The following PCNT variants were observed in gnomAD, a reference collection of about 807,000 sequenced individuals.
The protein encoded by PCNT is pericentrin, also known as kendrin.
PCNT carries 319 observed loss-of-function variants against 380.4 expected under a neutral mutation model. That is an observed-to-expected ratio of 0.84 (90% CI 0.77 to 0.92). PCNT has a LOEUF of 0.92. Among genes scored for constraint, PCNT ranks in the 40% least tolerant of loss-of-function variants. PCNT has a pLI of 0.00. For synonymous variants in PCNT, 1,845 were observed against 1,735.2 expected (o/e 1.06, Z -1.57); for missense variants, 4,400 against 4,255.3 (o/e 1.03, Z -0.95).
At chr21:46,357,268 T>C in intron 13 of PCNT, 77 bp downstream of exon 13, 1 of 1,044,142 alleles carries the variant, frequency 9.6e-7, no homozygotes. Context: ...TGTGTCCTTG[T>C]GTATGGAGGG....
chr21:46,380,059 AT>A (rs1250229732), intron 15 of PCNT, among the ~76,000 whole-genome samples: 2 of 144,306 alleles, frequency 1.4e-5, no homozygotes, highest in Non-Finnish European at 3.0e-5. Context: ...GCAGTCCCTT[AT>A]TAGTCCCAAC....
rs929114267 is a variant in PCNT at position 46,425,702 on chromosome 21, G to A, written c.7180-129G>A. The A allele has an allele frequency of 3.7e-6, 5 of 1,335,528 alleles. No homozygotes were observed. Among genetic ancestry groups the A allele is most frequent in the Middle Eastern group, 2.5e-4 (1 of 3,986 alleles). 82.7% of individuals were successfully genotyped at this position (1,335,528 alleles called of 1,614,324 possible). On this transcript the variant is annotated intron_variant, in intron 32 of 46. Transcript: ENST00000359568. This position sits in a 1 kb window ranked among gnomAD's most constrained non-coding sequence, Gnocchi z 4.2. Reference sequence around the variant, plus strand: ...GGTGCCGCCTGTACGAAGCCGAGGCGGTGCCCTCCCTCTCCACAGCTGCCC... The same window carrying A: ...GGTGCCGCCTGTACGAAGCCGAGGCAGTGCCCTCCCTCTCCACAGCTGCCC...
chr21:46,431,193 T>C, intron 37 of PCNT: 1 of 1,222,824 alleles, frequency 8.2e-7, no homozygotes, highest in South Asian at 1.7e-5. Flanking sequence ...AGTGATTTTC[T>C]GAAGAGGGGG....
In PCNT at chr21:46,346,933, A is replaced by T. The variant is rs369273213; in HGVS notation, c.911A>T (p.Glu304Val). 1 of 1,599,040 alleles carries T rather than the reference A, an allele frequency of 6.3e-7. No homozygotes were observed. Among genetic ancestry groups the T allele is most frequent in the Admixed American group, 1.8e-5 (1 of 56,824 alleles). Residue 304 changes from glutamate to valine, a missense_variant, in exon 5 of 47, where the codon GAG (glutamate) becomes GTG (valine). By Grantham distance (121) the Glu-to-Val change is moderately radical. Transcript: ENST00000359568. Reference sequence around the variant, plus strand: ...CAGAGCAGGCAGCAGCACGAGCTGGAGCTCCTCAGGGAGCAGCACGCACGG... The same window carrying T: ...CAGAGCAGGCAGCAGCACGAGCTGGTGCTCCTCAGGGAGCAGCACGCACGG... ...LLQSRQQHEL[E>V]LLREQHAREK...
intron 3 of PCNT, among the ~76,000 whole-genome samples, chr21:46,340,855 G>A (rs1016958186): frequency 6.6e-6 from 1 of 151,802 alleles, no homozygotes; most frequent in Non-Finnish European, 1.5e-5. Context: ...TTTTTTTTTA[G>A]TAGAGACGGG....
Position 46,334,618 on chromosome 21 carries a change from C to T in PCNT, c.489C>T (p.Asp163=), listed in dbSNP as rs776724739. 19 of 1,608,038 alleles carry T rather than the reference C, an allele frequency of 1.2e-5. No homozygotes were observed. The highest frequency in any genetic ancestry group is 1.6e-5 in the Non-Finnish European group (19 of 1,175,610). Residue 163 remains aspartate (D), a synonymous_variant, in exon 3 of 47, where the codon GAC becomes GAT. Transcript: ENST00000359568. The stretch of plus-strand genomic sequence containing the variant: ...AGCATGGGATGTTCACAGTCAGTGA[C>T]CACCCACCAGAACAGCGTGGGATGT... ...PEQHGMFTVS[D]HPPEQRGMFT...
rs778264322 is a variant in PCNT at position 46,366,834 on chromosome 21, G to A, written c.2860G>A (p.Ala954Thr). The A allele has an allele frequency of 1.1e-5, 17 of 1,613,856 alleles. No individual in the cohort carries two copies. Among genetic ancestry groups the A allele is most frequent in the East Asian group, 4.5e-5 (2 of 44,890 alleles). ...ARVAELQTKH[A>T]ADLGALETRH... is the part of the protein sequence containing the mutation. ...TGTGGCCGAACTGCAGACAAAACAC[G>A]CTGCCGACCTCGGCGCTCTGGAGAC... The change falls in exon 15 of 47, where the codon GCT becomes ACT. Residue 954 changes from alanine to threonine, a missense_variant. Transcript: ENST00000359568.
chr21:46,400,612 G>A (rs1052724136), intron 25 of PCNT, among the ~76,000 whole-genome samples: 3 of 137,962 alleles, frequency 2.2e-5, no homozygotes, highest in East Asian at 2.3e-4. Context: ...TCCTCCTCCC[G>A]GGTTCAAGCG....
chr21:46,360,008 T>C (rs922930891), intron 13 of PCNT, among the ~76,000 whole-genome samples: 4 of 150,710 alleles, frequency 2.7e-5, no homozygotes, highest in Admixed American at 1.3e-4. Flanking sequence ...AGGTGCACAC[T>C]ACCGTGCTGA....
intron 3 of PCNT, among the ~76,000 whole-genome samples, chr21:46,336,133 C>T (rs1429050031): frequency 2.0e-5 from 3 of 152,078 alleles, no homozygotes; most frequent in African/African-American, 4.8e-5. Flanking sequence ...CATGCCACCA[C>T]GCCTGGCTAA....
rs565863968 is a variant in PCNT at position 46,398,103 on chromosome 21, G to T, written c.4536G>T (p.Pro1512=). Residue 1512 remains proline, a synonymous_variant, in exon 23 of 47, where the codon CCG becomes CCT. Transcript: ENST00000359568. The part of the protein sequence containing the change: ...LEGQLRQAAK[P]QPWGPRDSQQ... ...GGCAGCTCCGCCAGGCGGCCAAGCCGCAGCCCTGGGGCCCTCGCGACAGCC... is the reference window on the plus strand; with the variant it reads ...GGCAGCTCCGCCAGGCGGCCAAGCCTCAGCCCTGGGGCCCTCGCGACAGCC... 6.2e-7 allele frequency: 1 copy of T among 1,603,326 alleles called. No homozygotes were observed. Among genetic ancestry groups the T allele is most frequent in the South Asian group, 1.1e-5 (1 of 89,690 alleles).
At chr21:46,428,156 C>T (rs2087588317) in intron 34 of PCNT, among the ~76,000 whole-genome samples, 1 of 152,188 alleles carries the variant, frequency 6.6e-6, no homozygotes, top group African/African-American at 2.4e-5. Flanking sequence ...CTGTTCCTGC[C>T]AGCATACACG....
intron 1 of PCNT, among the ~76,000 whole-genome samples, chr21:46,325,413 G>A (rs2083350517): frequency 1.3e-5 from 2 of 152,218 alleles, no homozygotes; most frequent in Admixed American, 6.5e-5. Flanking sequence ...GGGACAAGAC[G>A]CCGCCTGTAG....
Position 46,412,952 on chromosome 21 carries a change from T to C in PCNT, c.6110T>C (p.Val2037Ala). ...CAGCTGCAGTCGGAGCTGCTCTTGG[T>C]GAAAAATGAAATGCGCCTGAGTCTG... is the stretch of plus-strand genomic sequence containing the variant. ...QRQLQSELLL[V>A]KNEMRLSLED... Residue 2037 changes from valine (V) to alanine (A), a missense_variant, in exon 29 of 47, where the codon GTG (valine) becomes GCG (alanine). Val to Ala is a moderately conservative substitution (Grantham distance 64, BLOSUM62 0). Coordinates refer to ENST00000359568, the MANE Select transcript of PCNT (RefSeq NM_006031.6). 6.2e-7 allele frequency: 1 copy of C among 1,611,082 alleles called. No individual in the cohort carries two copies. The highest frequency in any genetic ancestry group is 8.5e-7 in the Non-Finnish European group (1 of 1,179,920).
In PCNT at chr21:46,416,769, C is replaced by T; in HGVS notation, c.6851C>T (p.Ala2284Val). The T allele has an allele frequency of 6.2e-7, 1 of 1,603,782 alleles. No individual in the cohort carries two copies. The highest frequency in any genetic ancestry group is 1.1e-5 in the South Asian group (1 of 90,688). ...PGLLCSPGVSAAALALQWAES... is the reference protein window; with the variant it reads ...PGLLCSPGVSVAALALQWAES... ...CTGCTTTGTTCCCCAGGCGTGTCTG[C>T]AGCAGCGCTGGCACTGCAGTGGGCC... Residue 2284 changes from alanine to valine, a missense_variant, in exon 30 of 47, where the codon GCA (alanine) becomes GTA (valine). Transcript: ENST00000359568.
chr21:46,440,297 C>T, intron 42 of PCNT, 95 bp downstream of exon 42: 7 of 1,344,046 alleles, frequency 5.2e-6, no homozygotes, highest in South Asian at 1.2e-5. Flanking sequence ...ACAAGGTTCT[C>T]GTCTGCCGGG....
At position 46,430,015 on chromosome 21, in the gene PCNT, C is replaced by A. The variant is rs781203130; in HGVS notation, c.7696C>A (p.Leu2566Met). 1.2e-6 allele frequency: 2 copies of A among 1,614,030 alleles called. No homozygotes were observed. The highest frequency in any genetic ancestry group is 1.7e-6 in the Non-Finnish European group (2 of 1,179,834). ...TGTTCTTTTGTCTTTCTCAGTTGAA[C>A]TGCTGGCTTATAAAGTAGAGCAGGA... is the stretch of plus-strand genomic sequence containing the variant. ...QEHQLRRQVE[L>M]LAYKVEQEKC... The change falls in exon 36 of 47, where the codon CTG becomes ATG. Residue 2566 changes from leucine to methionine, a missense_variant. Coordinates refer to ENST00000359568, the MANE Select transcript of PCNT (RefSeq NM_006031.6).
intron 15 of PCNT, among the ~76,000 whole-genome samples, chr21:46,369,526 G>A (rs1295060452): frequency 6.6e-6 from 1 of 152,276 alleles, no homozygotes; most frequent in East Asian, 1.9e-4. Flanking sequence ...TAGGCAAACA[G>A]ATGCTTTGGA....
At position 46,324,244 on chromosome 21, in the gene PCNT, G is replaced by A; in HGVS notation, c.16G>A (p.Glu6Lys). MEVEQEQRRRKVEAGR... is the reference protein window; with the variant it reads MEVEQKQRRRKVEAGR... Reference sequence around the variant, plus strand: ...TCTGAGGGAGATGGAAGTTGAGCAAGAGCAGCGGCGCAGAAAGGTGGAGGC... The same window carrying A: ...TCTGAGGGAGATGGAAGTTGAGCAAAAGCAGCGGCGCAGAAAGGTGGAGGC... Residue 6 changes from glutamate to lysine, a missense_variant, in exon 1 of 47, where the codon GAG (glutamate) becomes AAG (lysine). Glu to Lys is a moderately conservative substitution (Grantham distance 56, BLOSUM62 1). Transcript: ENST00000359568. 6.2e-7 allele frequency: 1 copy of A among 1,612,252 alleles called. No individual in the cohort carries two copies. The highest frequency in any genetic ancestry group is 1.1e-5 in the South Asian group (1 of 90,720).
Sources: gnomAD v4.1 joint callset for allele counts (sites outside exome capture counted in the v4.1 genomes callset) on GRCh38, gnomAD v4.1.1 for gene constraint, Gnocchi (gnomAD v3.1) non-coding constraint, MANE v1.5 for transcripts, NCBI Gene and HGNC (gene_info 2026-07-23, HGNC 2026-07-21) for gene names.